Variants in NRXN3 observed in about 807,000 individuals in gnomAD.
NRXN3 encodes the protein neurexin 3.
NRXN3 carries 32 observed loss-of-function variants against 137.6 expected under a neutral mutation model. That is an observed-to-expected ratio of 0.23 (90% CI 0.18 to 0.31). The LOEUF (loss-of-function observed/expected upper bound fraction) is 0.31. Ranked by LOEUF, NRXN3 falls within the 10% of genes least tolerant of loss-of-function variation. NRXN3 has a pLI of 1.00. For synonymous variants in NRXN3, 798 were observed against 784.5 expected, an observed-to-expected ratio of 1.02 and a Z score of -0.29; for missense variants, 1,574 against 2,062.5, an observed-to-expected ratio of 0.76 and a Z score of 4.59.
intron 8 of NRXN3, among the ~76,000 whole-genome samples, chr14:78,716,012 C>T (rs972288959): frequency 6.6e-6 from 1 of 151,970 alleles, no homozygotes; most frequent in Non-Finnish European, 1.5e-5. Context: ...TGCTTTGTTC[C>T]CTTCTGAAAA....
intron 16 of NRXN3, among the ~76,000 whole-genome samples, chr14:79,542,686 G>A (rs1462270420): frequency 2.0e-5 from 3 of 152,018 alleles, no homozygotes; most frequent in Non-Finnish European, 4.4e-5. Flanking sequence ...AATATTAGAG[G>A]TGAGTCAAAT....
At chr14:78,825,019 A>G (rs1254702110) in intron 10 of NRXN3, among the ~76,000 whole-genome samples, 1 of 152,046 alleles carries the variant, frequency 6.6e-6, no homozygotes, top group South Asian at 2.1e-4. Context: ...TTGTTCAAAG[A>G]GACATTTAAG....
chr14:78,360,027 G>A (rs982002419), intron 4 of NRXN3, among the ~76,000 whole-genome samples: 2 of 152,010 alleles, frequency 1.3e-5, no homozygotes, highest in African/African-American at 4.8e-5. Flanking sequence ...AAAGTTTTAG[G>A]AACAGGAGCT....
chr14:79,804,403 G>A (rs888389035), intron 19 of NRXN3, among the ~76,000 whole-genome samples: 2 of 152,004 alleles, frequency 1.3e-5, no homozygotes, highest in African/African-American at 2.4e-5. Context: ...GAGTTTCTGC[G>A]AGACTCAGAA....
intron 1 of NRXN3, among the ~76,000 whole-genome samples, chr14:78,214,064 A>G (rs922506092): frequency 1.3e-5 from 2 of 152,066 alleles, no homozygotes; most frequent in Non-Finnish European, 2.9e-5. Flanking sequence ...AAACCCTTCC[A>G]GTGGTTTCAA....
intron 15 of NRXN3, among the ~76,000 whole-genome samples, chr14:79,056,424 A>G (rs751641178): frequency 5.9e-5 from 9 of 152,160 alleles, no homozygotes; most frequent in Admixed American, 3.3e-4. Context: ...ACATTTTTAA[A>G]TGATGTGCAA....
intron 16 of NRXN3, among the ~76,000 whole-genome samples, chr14:79,640,475 C>G (rs2153957369): frequency 7.4e-6 from 1 of 135,766 alleles, no homozygotes; most frequent in South Asian, 2.3e-4. Context: ...CCATGATGTG[C>G]AAACCATGTA....
chr14:78,923,860 G>T (rs1018626377), intron 10 of NRXN3, among the ~76,000 whole-genome samples: 1 of 152,190 alleles, frequency 6.6e-6, no homozygotes, highest in African/African-American at 2.4e-5. Flanking sequence ...TCCTTAACCT[G>T]CTCTTTTTGA....
chr14:79,851,533 CA>C (rs1165834998), intron 20 of NRXN3, among the ~76,000 whole-genome samples: 1 of 152,004 alleles, frequency 6.6e-6, no homozygotes, highest in Non-Finnish European at 1.5e-5. Flanking sequence ...CCATAGCGGG[CA>C]AAAGTTGGAC....
Position 79,316,781 on chromosome 14 carries a change from T to C in NRXN3, c.3263-150440T>C, listed in dbSNP as rs867612527. ...CTCTCTCTATTGAATTCTGGGGGTGTAGTAGTCCATTGTTTAGAGGGAATT... is the reference window on the plus strand; with the variant it reads ...CTCTCTCTATTGAATTCTGGGGGTGCAGTAGTCCATTGTTTAGAGGGAATT... On this transcript the variant is annotated intron_variant, in intron 15 of 20. Transcript: ENST00000335750. Among the ~76,000 whole-genome samples the C allele has an allele frequency of 3.5e-4, 53 of 151,500 alleles. 1 individual carries two copies. The highest frequency in any genetic ancestry group is 3.4e-3 in the Middle Eastern group (1 of 294).
At chr14:78,626,502 A>C (rs1017903329) in intron 4 of NRXN3, among the ~76,000 whole-genome samples, 1 of 152,222 alleles carries the variant, frequency 6.6e-6, no homozygotes, top group Admixed American at 6.5e-5. Flanking sequence ...TGACTTCAGG[A>C]ATGTATGTTT....
chr14:79,719,392 ATATATGTGTG>A (rs1362515438), intron 19 of NRXN3, among the ~76,000 whole-genome samples: 2 of 96,506 alleles, frequency 2.1e-5, no homozygotes, highest in Admixed American at 1.3e-4. Flanking sequence ...GTGTGTGTAT[ATATATGTGTG>A]TATATATATA....
intron 4 of NRXN3, among the ~76,000 whole-genome samples, chr14:78,324,890 G>A (rs1366506437): frequency 6.6e-6 from 1 of 151,780 alleles, no homozygotes; most frequent in Non-Finnish European, 1.5e-5. Context: ...CAGGTGAGAA[G>A]ACCCAATTTG....
intron 4 of NRXN3, among the ~76,000 whole-genome samples, chr14:78,477,146 G>A (rs2095394271): frequency 6.6e-6 from 1 of 152,160 alleles, no homozygotes; most frequent in African/African-American, 2.4e-5. Flanking sequence ...AATTCTTTTT[G>A]CAGGTCTTCA....
intron 4 of NRXN3, among the ~76,000 whole-genome samples, chr14:78,356,400 C>A (rs779999517): frequency 2.0e-5 from 3 of 152,216 alleles, no homozygotes; most frequent in Non-Finnish European, 4.4e-5. Context: ...CACAAGGAAC[C>A]AAATATACAT....
At chr14:79,125,866 T>C (rs563525512) in intron 15 of NRXN3, among the ~76,000 whole-genome samples, 4 of 152,318 alleles carry the variant, frequency 2.6e-5, no homozygotes, top group Non-Finnish European at 4.4e-5. Context: ...GCATGATGTA[T>C]ACTTACTCAG....
At chr14:78,354,997 C>T (rs1022326251) in intron 4 of NRXN3, among the ~76,000 whole-genome samples, 1 of 152,146 alleles carries the variant, frequency 6.6e-6, no homozygotes, top group African/African-American at 2.4e-5. Context: ...GGAGACCCTA[C>T]CTTGAACCAG....
chr14:78,842,426 C>T (rs186982132), intron 10 of NRXN3, among the ~76,000 whole-genome samples: 168 of 151,930 alleles, frequency 1.1e-3, no homozygotes, highest in South Asian at 2.5e-3. Flanking sequence ...AGGGAGTGTA[C>T]GAATAGGGTG....
chr14:78,521,623 G>A (rs555925882), intron 4 of NRXN3, among the ~76,000 whole-genome samples: 13 of 152,100 alleles, frequency 8.5e-5, no homozygotes, highest in African/African-American at 2.9e-4. Context: ...TGTGGATGGG[G>A]AAAACACTCT....
Sources: allele counts gnomAD v4.1 joint callset (sites outside exome capture counted in the v4.1 genomes callset), GRCh38; gene constraint gnomAD v4.1.1; transcripts MANE v1.5; gene names NCBI Gene and HGNC (gene_info 2026-07-23, HGNC 2026-07-21).